RRAGC: variants seen among roughly 807,000 people sequenced by gnomAD.
RRAGC encodes the protein Ras related GTP binding C, also known as ras-related GTP-binding protein C.
RRAGC carries 8 observed loss-of-function variants against 37.1 expected under a neutral mutation model. That is an observed-to-expected ratio of 0.22 (90% confidence interval 0.13 to 0.39). RRAGC has a LOEUF of 0.39. RRAGC is among the 10% of genes least tolerant of loss of function. RRAGC has a pLI of 1.00. For missense variants in RRAGC, 342 were observed against 497.6 expected, an observed-to-expected ratio of 0.69 and a Z score of 2.98; for synonymous variants, 190 against 181.1, an observed-to-expected ratio of 1.05 and a Z score of -0.39.
intron 4 of RRAGC, among the ~76,000 whole-genome samples, 154 bp from the exon 5 acceptor site, chr1:38,851,911 C>T (rs913210510): frequency 6.6e-6 from 1 of 152,176 alleles, no homozygotes; most frequent in African/African-American, 2.4e-5. Flanking sequence ...AGAGACTCTT[C>T]TATTATCCAA....
Position 38,859,481 on chromosome 1 carries a change from C to T in RRAGC, c.166G>A (p.Gly56Ser), listed in dbSNP as rs772890524. Reference sequence around the variant, plus strand: ...ATCCTCGGCTTGGAGCTGTCAGCGCCCCCCGGACCACAGCCACCGCCTGCC... The same window carrying T: ...ATCCTCGGCTTGGAGCTGTCAGCGCTCCCCGGACCACAGCCACCGCCTGCC... ...AGAGGGCGPG[G>S]ADSSKPRILL... Residue 56 changes from glycine to serine, a missense_variant, in exon 1 of 7, where the codon GGC becomes AGC. Gly to Ser is a moderately conservative substitution (Grantham distance 56). Transcript: ENST00000373001. 9 of 1,547,920 alleles carry T rather than the reference C, an allele frequency of 5.8e-6. No homozygotes were observed. The Admixed American group carries it at 5.9e-5, about 10-fold the overall frequency.
At position 38,859,728 on chromosome 1, in the gene RRAGC, C is replaced by T. The variant is rs1642216692; in HGVS notation, c.-82G>A. ...CGCCGCCTCCCCAGTCCGCCTCCGC[C>T]GCCGCCGCCACCACCGCCACCGCCC... On this transcript the variant is annotated 5_prime_UTR_variant, in exon 1 of 7. Transcript: ENST00000373001. The T allele has an allele frequency of 1.7e-6, 2 of 1,183,618 alleles. No homozygotes were observed. The highest frequency in any genetic ancestry group is 3.2e-5 in the African/African-American group (2 of 62,586). 73.3% of individuals were successfully genotyped at this position (1,183,618 alleles called of 1,614,324 possible).
At chr1:38,844,459 A>C (rs1557584279) in intron 6 of RRAGC, among the ~76,000 whole-genome samples, 1 of 151,888 alleles carries the variant, frequency 6.6e-6, no homozygotes, top group Non-Finnish European at 1.5e-5. Flanking sequence ...AAAAAAAAAA[A>C]AAAAACAGAA....
In RRAGC at chr1:38,846,009, A is replaced by C. The variant is rs1337053428; in HGVS notation, c.978T>G (p.Leu326=). 2 of 1,612,666 alleles carry C rather than the reference A, an allele frequency of 1.2e-6. No homozygotes were observed. ...AIIKLNNTTV[L]YLKEVTKFLA... ...AAAATTTAGTCACCTCCTTTAAATAAAGGACAGTTGTATTATTCAGCTTGA... is the reference window on the plus strand; with the variant it reads ...AAAATTTAGTCACCTCCTTTAAATACAGGACAGTTGTATTATTCAGCTTGA... Residue 326 remains leucine, a synonymous_variant, in exon 6 of 7, where the codon CTT becomes CTG. Transcript: ENST00000373001.
intron 2 of RRAGC, 144 bp downstream of exon 2, chr1:38,856,735 T>A (rs1642171937): frequency 1.4e-6 from 1 of 700,530 alleles, no homozygotes; most frequent in African/African-American, 1.8e-5. Flanking sequence ...CCCAAAGCAC[T>A]CTGCAACTGC....
intron 3 of RRAGC, 114 bp from the exon 4 acceptor site, chr1:38,852,602 A>C: frequency 1.7e-6 from 1 of 585,344 alleles, no homozygotes; most frequent in Non-Finnish European, 3.1e-6. Flanking sequence ...GAGTTCAATA[A>C]AGCCTCTTTA....
At chr1:38,852,634 C>T in intron 3 of RRAGC, 146 bp from the exon 4 acceptor site, 1 of 491,900 alleles carries the variant, frequency 2.0e-6, no homozygotes, top group Non-Finnish European at 3.6e-6. Context: ...ATACCCATCA[C>T]TCAAGATGAC....
chr1:38,857,617 G>A (rs1201307062), intron 1 of RRAGC, among the ~76,000 whole-genome samples: 1 of 152,202 alleles, frequency 6.6e-6, no homozygotes, highest in Non-Finnish European at 1.5e-5. Flanking sequence ...GACTGACAGG[G>A]AAAAGATAGC....
chr1:38,855,676 A>G (rs755745098), intron 3 of RRAGC, 32 bp downstream of exon 3: 1 of 1,554,402 alleles, frequency 6.4e-7, no homozygotes, highest in Admixed American at 1.7e-5. Flanking sequence ...CACCTTGTTC[A>G]GGGCTTTCAT....
At position 38,856,967 on chromosome 1, in the gene RRAGC, G is replaced by A. The variant is rs745953523; in HGVS notation, c.353C>T (p.Pro118Leu). The stretch of plus-strand genomic sequence containing the variant: ...TGGGTCAAAAAAGTCCATTTGCCCA[G>A]GAAAATCCCATATCTGGAAATTCAC... ...SFVNFQIWDFPGQMDFFDPTF... is the reference protein window; with the variant it reads ...SFVNFQIWDFLGQMDFFDPTF... Residue 118 changes from proline to leucine, a missense_variant, in exon 2 of 7, where the codon CCT (proline) becomes CTT (leucine). Around this residue, in one of 3 missense-constraint regions of RRAGC, gnomAD observed 134 missense variants for 277.2 expected, o/e 0.48. Coordinates refer to ENST00000373001, the MANE Select transcript of RRAGC (RefSeq NM_022157.4). 1 of 1,614,102 alleles carries A rather than the reference G, an allele frequency of 6.2e-7. No individual in the cohort carries two copies. Among genetic ancestry groups the A allele is most frequent in the East Asian group, 2.2e-5 (1 of 44,868 alleles).
At chr1:38,853,125 A>T (rs1405097664) in intron 3 of RRAGC, among the ~76,000 whole-genome samples, 1 of 152,246 alleles carries the variant, frequency 6.6e-6, no homozygotes, top group Non-Finnish European at 1.5e-5. Flanking sequence ...AACAGTGCTC[A>T]TAAGTATCTG....
chr1:38,843,583 G>C (rs1354014716), intron 6 of RRAGC, among the ~76,000 whole-genome samples: 1 of 152,020 alleles, frequency 6.6e-6, no homozygotes, highest in Non-Finnish European at 1.5e-5. Context: ...AGCCGGGCGT[G>C]GTGGCAGGCA....
chr1:38,855,318 TAAGACTCAAGCTA>T (rs369753688), intron 3 of RRAGC, among the ~76,000 whole-genome samples: 1,624 of 152,288 alleles, frequency 0.011, 29 homozygotes, highest in African/African-American at 0.037. Context: ...AGATACTGTC[TAAGACTCAAGCTA>T]AAGACTTCCA....
At chr1:38,848,947 CAT>C (rs1386441075) in intron 5 of RRAGC, among the ~76,000 whole-genome samples, 1 of 151,992 alleles carries the variant, frequency 6.6e-6, no homozygotes, top group East Asian at 1.9e-4. Context: ...GCCTAGGCAA[CAT>C]AGTGAGACCC....
At position 38,855,802 on chromosome 1, in the gene RRAGC, G is replaced by A; in HGVS notation, c.547C>T (p.Leu183=). The A allele has an allele frequency of 6.2e-7, 1 of 1,613,884 alleles. No homozygotes were observed. Among genetic ancestry groups the A allele is most frequent in the South Asian group, 1.1e-5 (1 of 91,070 alleles). Residue 183 remains leucine, a synonymous_variant, in exon 3 of 7, where the codon CTG becomes TTG. Coordinates refer to ENST00000373001, the MANE Select transcript of RRAGC (RefSeq NM_022157.4). Reference sequence around the variant, plus strand: ...GTTTCTATTTTGTGATCATCAGACAGACCATCAACTTTGTGAATAAAAACC... The same window carrying A: ...GTTTCTATTTTGTGATCATCAGACAAACCATCAACTTTGTGAATAAAAACC... ...FEVFIHKVDG[L]SDDHKIETQR...
Position 38,857,758 on chromosome 1 carries a change from G to A in RRAGC, c.238-676C>T, listed in dbSNP as rs141598845. ...GCGGATCACTTGAGGTCAGGAGTTC[G>A]AGACCAGCCTGACCAATATGGTGAA... On this transcript the variant is annotated intron_variant, in intron 1 of 6. Transcript: ENST00000373001. Among the ~76,000 whole-genome samples, 709 of 152,296 alleles carry A rather than the reference G, an allele frequency of 4.7e-3. 7 individuals are homozygous for A. The highest frequency in any genetic ancestry group is 0.016 in the African/African-American group (670 of 41,550).
chr1:38,852,043 A>G (rs1170324411), intron 4 of RRAGC, among the ~76,000 whole-genome samples: 1 of 152,238 alleles, frequency 6.6e-6, no homozygotes, highest in Non-Finnish European at 1.5e-5. Flanking sequence ...ATTTAACAAA[A>G]ATCTCTAAAA....
chr1:38,853,438 T>C (rs1642126245), intron 3 of RRAGC, among the ~76,000 whole-genome samples: 1 of 152,060 alleles, frequency 6.6e-6, no homozygotes, highest in East Asian at 1.9e-4. Flanking sequence ...GACACAGAAC[T>C]TTATAGGTAA....
At chr1:38,846,225 G>T in intron 5 of RRAGC, 138 bp from the exon 6 acceptor site, 1 of 689,458 alleles carries the variant, frequency 1.5e-6, no homozygotes, top group Non-Finnish European at 2.5e-6. Context: ...GGGAGAGAGT[G>T]TTGTTAAGGT....
Sources: gnomAD v4.1 joint callset for allele counts (sites outside exome capture counted in the v4.1 genomes callset) on GRCh38, gnomAD v4.1.1 for gene constraint, gnomAD v4.1.1 regional missense constraint, MANE v1.5 for transcripts, NCBI Gene and HGNC (gene_info 2026-07-23, HGNC 2026-07-21) for gene names.